The following GTF2F1 variants were observed in gnomAD, a reference collection of about 807,000 sequenced individuals.
GTF2F1 encodes general transcription factor IIF subunit 1.
Under a neutral mutation model 63.5 loss-of-function variants are expected in GTF2F1, and 39 were observed. The ratio of observed to expected loss-of-function variants is 0.61; its 90% confidence interval spans 0.48 to 0.80. GTF2F1 has a LOEUF of 0.80. GTF2F1 is among the 30% of genes least tolerant of loss of function. The pLI is 0.00. For synonymous variants in GTF2F1, 287 were observed against 285.3 expected (o/e 1.01, Z -0.06); for missense variants, 657 against 718.3 (o/e 0.91, Z 0.97).
intron 3 of GTF2F1, among the ~76,000 whole-genome samples, chr19:6,390,709 G>A (rs930366488): frequency 1.3e-4 from 19 of 150,430 alleles, no homozygotes; most frequent in African/African-American, 3.7e-4. Context: ...GCGAAACTTC[G>A]TCTCTACTAA....
rs2091949520 is a variant in GTF2F1, at chr19:6,381,389, G to A, written c.988C>T (p.Pro330Ser). The change falls in exon 9 of 13, where the codon CCC (proline) becomes TCC (serine). Residue 330 changes from proline to serine, a missense_variant. By Grantham distance (74) the Pro-to-Ser change is moderately conservative. Transcript: ENST00000394456. The surrounding 1 kb of genome is among the most constrained non-coding windows in gnomAD (Gnocchi z 4.1). The stretch of plus-strand genomic sequence containing the variant: ...CTGCGCTTCTTCTCCTGCGGGGTGG[G>A]TGCCTTCTTCTCCTCCTCCTCCTCC... The part of the protein sequence containing the change: ...DKEEEEEKKA[P>S]TPQEKKRRKD... The A allele has an allele frequency of 6.2e-7, 1 of 1,609,866 alleles. No homozygotes were observed. The highest frequency in any genetic ancestry group is 1.3e-5 in the African/African-American group (1 of 74,866).
intron 5 of GTF2F1, among the ~76,000 whole-genome samples, chr19:6,384,009 G>A (rs2091965228): frequency 6.7e-6 from 1 of 148,762 alleles, no homozygotes; most frequent in Admixed American, 6.7e-5. Context: ...GTTTCACCAT[G>A]TTGGACAGGC....
chr19:6,389,976 A>G (rs2091990184), intron 3 of GTF2F1, among the ~76,000 whole-genome samples: 1 of 152,224 alleles, frequency 6.6e-6, no homozygotes, highest in African/African-American at 2.4e-5. Flanking sequence ...CCTATTATCT[A>G]CAGCAGGCAT....
At chr19:6,391,439 GT>G (rs11340944) in intron 3 of GTF2F1, among the ~76,000 whole-genome samples, 25,318 of 87,356 alleles carry the variant, frequency 0.29, 4,284 homozygotes, top group African/African-American at 0.52. Context: ...TGCCATTTCC[GT>G]TTTTTTTTTT....
In GTF2F1 at chr19:6,383,487, T is replaced by G. The variant is rs1374512747; in HGVS notation, c.506A>C (p.Lys169Thr). Residue 169 changes from lysine (K) to threonine (T), a missense_variant, in exon 6 of 13, where the codon AAG becomes ACG. Physicochemically the swap from Lys to Thr is moderately conservative, Grantham distance 78. Around this residue, in one of 2 missense-constraint regions of GTF2F1, gnomAD observed 602 missense variants for 625.6 expected, o/e 0.96. Transcript: ENST00000394456. The surrounding 1 kb of genome is among the most constrained non-coding windows in gnomAD (Gnocchi z 4.5). ...EAEEEWERRN[K>T]VLNHFSIMQQ... The stretch of plus-strand genomic sequence containing the variant: ...CATGATGCTGAAGTGGTTCAGCACC[T>G]TGTTCCTCCTGCGGGCCAGGCACAG... 6.2e-7 allele frequency: 1 copy of G among 1,612,932 alleles called. No homozygotes were observed. The highest frequency in any genetic ancestry group is 1.7e-5 in the Admixed American group (1 of 60,012).
chr19:6,391,438 C>G (rs1316749942), intron 3 of GTF2F1, among the ~76,000 whole-genome samples: 2 of 121,732 alleles, frequency 1.6e-5, no homozygotes, highest in African/African-American at 3.4e-5. Context: ...TTGCCATTTC[C>G]GTTTTTTTTT....
At chr19:6,390,873 T>C (rs1413287287) in intron 3 of GTF2F1, among the ~76,000 whole-genome samples, 1 of 151,876 alleles carries the variant, frequency 6.6e-6, no homozygotes, top group Non-Finnish European at 1.5e-5. Context: ...AGAGACTCCA[T>C]CACAAAAAAA....
chr19:6,389,780 G>A, intron 3 of GTF2F1, 143 bp from the exon 4 acceptor site: 4 of 668,670 alleles, frequency 6.0e-6, no homozygotes, highest in South Asian at 1.9e-5. Flanking sequence ...GAGGAGAACG[G>A]TAGCCTTTGA....
intron 5 of GTF2F1, among the ~76,000 whole-genome samples, chr19:6,386,202 T>G (rs1337854921): frequency 6.6e-6 from 1 of 151,884 alleles, no homozygotes; most frequent in Non-Finnish European, 1.5e-5. Flanking sequence ...CTGGCCAACA[T>G]GGTGAAACCC....
intron 4 of GTF2F1, among the ~76,000 whole-genome samples, chr19:6,388,352 C>A (rs542786913): frequency 6.6e-6 from 1 of 152,338 alleles, no homozygotes; most frequent in South Asian, 2.1e-4. Context: ...TCCGGACAGT[C>A]TGGGTGAGTG....
At position 6,380,841 on chromosome 19, in the gene GTF2F1, C is replaced by G; in HGVS notation, c.1231+63G>C. On this transcript the variant is annotated intron_variant, in intron 11 of 12. Transcript: ENST00000394456. This position sits in a 1 kb window ranked among gnomAD's most constrained non-coding sequence, Gnocchi z 5.3. ...TCTCCATCCCCTCTCTGTCCTGAGCCCCAACAGAGGTCAGGAGGCTGTGGC... is the reference window on the plus strand; with the variant it reads ...TCTCCATCCCCTCTCTGTCCTGAGCGCCAACAGAGGTCAGGAGGCTGTGGC... 1.3e-6 allele frequency: 2 copies of G among 1,510,902 alleles called. No individual in the cohort carries two copies. The highest frequency in any genetic ancestry group is 1.4e-5 in the African/African-American group (1 of 72,964). The allele number at this position is 1,510,902 out of a possible 1,614,324, so 93.6% of individuals were successfully genotyped here.
rs181072317 is a variant in GTF2F1 at position 6,385,325 on chromosome 19, G to A, written c.498-1830C>T. ...CAGAATCGCTTAAACCCAGGAGGTCGAGGTTGCAATGAGCCAGTGAGCTGA... is the reference window on the plus strand; with the variant it reads ...CAGAATCGCTTAAACCCAGGAGGTCAAGGTTGCAATGAGCCAGTGAGCTGA... On this transcript the variant is annotated intron_variant, in intron 5 of 12. Transcript: ENST00000394456. 9.6e-5 allele frequency among the ~76,000 whole-genome samples: 14 copies of A among 145,766 alleles called. No homozygotes were observed. In the East Asian group the frequency reaches 2.3e-3, roughly 24 times the overall value.
chr19:6,384,908 C>T lies in GTF2F1; in HGVS notation c.498-1413G>A, dbSNP rs973225018. Among the ~76,000 whole-genome samples, 19 of 151,974 alleles carry T rather than the reference C, an allele frequency of 1.3e-4. 1 individual carries two copies. The highest frequency in any genetic ancestry group is 6.8e-3 in the Middle Eastern group (2 of 294). On this transcript the variant is annotated intron_variant, in intron 5 of 12. Transcript: ENST00000394456. ...AAGCAATTCTCCTGCCTCAGCCTCC[C>T]GAGTAGCTGGGATTACAGGTGCCCG...
At chr19:6,382,413 C>T (rs1052194149) in intron 6 of GTF2F1, among the ~76,000 whole-genome samples, 4 of 151,916 alleles carry the variant, frequency 2.6e-5, no homozygotes, top group African/African-American at 7.3e-5. Context: ...AGGCAGATTA[C>T]CTGAGGTCGG....
rs1287628879 is a variant in GTF2F1, at chr19:6,391,958, AT to A, written c.75del (p.Lys25AsnfsTer27). 5.7e-6 allele frequency: 9 copies of A among 1,574,130 alleles called. No individual in the cohort carries two copies. Among genetic ancestry groups the A allele is most frequent in the Non-Finnish European group, 7.8e-6 (9 of 1,156,670 alleles). On this transcript the variant is annotated frameshift_variant, in exon 3 of 13. Coordinates refer to ENST00000394456, the MANE Select transcript of GTF2F1 (RefSeq NM_002096.3). LOFTEE classifies it high-confidence loss of function. ...GCTGCATTAAAAGCCATGATGTTAT[AT>A]TTTTTGGTTGTATTCCTGGAGTGGA... ...VVRVPKNTTK[K>X]YNIMAFNAAD...
Position 6,393,001 on chromosome 19 carries a change from A to G in GTF2F1, c.-6T>C. 1 of 1,614,034 alleles carries G rather than the reference A, an allele frequency of 6.2e-7. No homozygotes were observed. Among genetic ancestry groups the G allele is most frequent in the South Asian group, 1.1e-5 (1 of 91,080 alleles). On this transcript the variant is annotated 5_prime_UTR_variant, in exon 1 of 13. Transcript: ENST00000394456. ...ACACTCACTAGGGCCGCCATGGGCA[A>G]TGGTCAGTGGTTCCGATCTGGTCCG...
chr19:6,390,894 T>C (rs960909870), intron 3 of GTF2F1, among the ~76,000 whole-genome samples: 6 of 151,824 alleles, frequency 4.0e-5, no homozygotes, highest in African/African-American at 7.3e-5. Context: ...TAAAATAAAA[T>C]AAATAAAAAG....
In GTF2F1 at chr19:6,381,237, G is replaced by C; in HGVS notation, c.1019-42C>G. On this transcript the variant is annotated intron_variant, in intron 9 of 12. Transcript: ENST00000394456. This position sits in a 1 kb window ranked among gnomAD's most constrained non-coding sequence, Gnocchi z 4.1. ...AGGGGTCAGGGCCAGAGCAACCCCG[G>C]GACCCGGTGCCCACTGGTGCCTCCA... 6.3e-7 allele frequency: 1 copy of C among 1,576,676 alleles called. No homozygotes were observed. Among genetic ancestry groups the C allele is most frequent in the Non-Finnish European group, 8.6e-7 (1 of 1,162,220 alleles).
chr19:6,386,421 A>C (rs979712446), intron 5 of GTF2F1, among the ~76,000 whole-genome samples: 3 of 151,590 alleles, frequency 2.0e-5, no homozygotes, highest in Non-Finnish European at 2.9e-5. Context: ...AACAAACAAA[A>C]AAACACCAAA....
Sources: allele counts gnomAD v4.1 joint callset (sites outside exome capture counted in the v4.1 genomes callset), GRCh38; gene constraint gnomAD v4.1.1; regional missense constraint gnomAD v4.1.1; non-coding constraint Gnocchi (gnomAD v3.1); transcripts MANE v1.5; gene names NCBI Gene and HGNC (gene_info 2026-07-23, HGNC 2026-07-21).